The following USP6NL variants were observed in gnomAD, a reference collection of about 807,000 sequenced individuals.
The protein encoded by USP6NL is USP6 N-terminal-like protein.
In USP6NL, 26 loss-of-function variants were observed where a neutral mutation model predicts 61.9. That is an observed-to-expected ratio of 0.42 (90% CI 0.31 to 0.58). The LOEUF is 0.58. Among genes scored for constraint, USP6NL ranks in the 20% least tolerant of loss-of-function variants. The probability of loss-of-function intolerance (pLI) is 0.16; values close to 1 mark genes in which losing one functional copy is unlikely to be tolerated. For synonymous variants in USP6NL, 432 were observed against 390.1 expected (o/e 1.11, Z -1.27); for missense variants, 1,114 against 1,034.3 (o/e 1.08, Z -1.06).
chr10:11,499,962 T>C lies in USP6NL; in HGVS notation c.384+1139A>G, dbSNP rs1834107207. Among the ~76,000 whole-genome samples, 1 of 152,224 alleles carries C rather than the reference T, an allele frequency of 6.6e-6. No homozygotes were observed. Among genetic ancestry groups the C allele is most frequent in the Non-Finnish European group, 1.5e-5 (1 of 68,038 alleles). Reference sequence around the variant, plus strand: ...CTACCATATGCTAGGCACACTGTACTAGGTGCTGGGGTTATATTTCATATT... The same window carrying C: ...CTACCATATGCTAGGCACACTGTACCAGGTGCTGGGGTTATATTTCATATT... On this transcript the variant is annotated intron_variant, in intron 7 of 14. Transcript: ENST00000609104. This position sits in a 1 kb window ranked among gnomAD's most constrained non-coding sequence, Gnocchi z 4.5.
intron 7 of USP6NL, among the ~76,000 whole-genome samples, chr10:11,497,112 T>TTTTG (rs1325634631): frequency 7.7e-6 from 1 of 129,956 alleles, no homozygotes; most frequent in African/African-American, 2.8e-5. Flanking sequence ...TTTTTTTTTT[T>TTTTG]TAAGATAATG....
intron 14 of USP6NL, among the ~76,000 whole-genome samples, chr10:11,475,392 A>C (rs1373031806): frequency 6.6e-6 from 1 of 151,866 alleles, no homozygotes; most frequent in Admixed American, 6.6e-5. Context: ...CAGGAGTTCG[A>C]GACCAGTCTG....
intron 2 of USP6NL, among the ~76,000 whole-genome samples, chr10:11,566,574 G>C (rs897781648): frequency 2.0e-5 from 3 of 152,214 alleles, no homozygotes; most frequent in Non-Finnish European, 2.9e-5. Flanking sequence ...CTAGTAAGTA[G>C]TGGATTCGAG....
intron 2 of USP6NL, among the ~76,000 whole-genome samples, chr10:11,552,584 A>G (rs886364961): frequency 4.6e-5 from 7 of 152,330 alleles, no homozygotes; most frequent in African/African-American, 1.4e-4. Context: ...GTGAAGTTCT[A>G]TAACATCCTT....
chr10:11,530,570 C>A (rs1174843053), intron 2 of USP6NL, among the ~76,000 whole-genome samples: 1 of 152,184 alleles, frequency 6.6e-6, no homozygotes, highest in Non-Finnish European at 1.5e-5. Context: ...AATAAATTCT[C>A]AATCTTTAAA....
At chr10:11,501,834 G>T (rs1834209452) in intron 6 of USP6NL, among the ~76,000 whole-genome samples, 1 of 151,908 alleles carries the variant, frequency 6.6e-6, no homozygotes, top group South Asian at 2.1e-4. Context: ...CCTCTTTTCA[G>T]TTCTTGCTAT....
intron 2 of USP6NL, among the ~76,000 whole-genome samples, chr10:11,593,841 A>ACCC (rs1405726017): frequency 1.9e-4 from 29 of 152,222 alleles, no homozygotes; most frequent in Admixed American, 1.9e-3. Context: ...TCTAAGCTCT[A>ACCC]AACAGCTTCT....
rs1835684678 is a variant in USP6NL at position 11,532,110 on chromosome 10, T to C, written c.5-4543A>G. Reference sequence around the variant, plus strand: ...AAATAAAATTTACAGCAGACCATTTTTCCTAGAGTACATTTTGACAGATGA... The same window carrying C: ...AAATAAAATTTACAGCAGACCATTTCTCCTAGAGTACATTTTGACAGATGA... On this transcript the variant is annotated intron_variant, in intron 2 of 14. Coordinates refer to ENST00000609104, the MANE Select transcript of USP6NL (RefSeq NM_014688.5). This position sits in a 1 kb window ranked among gnomAD's most constrained non-coding sequence, Gnocchi z 4.1. The C allele has an allele frequency of 6.8e-6, 8 of 1,171,650 alleles. No homozygotes were observed. Among genetic ancestry groups the C allele is most frequent in the South Asian group, 1.5e-5 (1 of 67,668 alleles). The allele number at this position is 1,171,650 out of a possible 1,614,324, so 72.6% of individuals were successfully genotyped here. A position where few individuals can be genotyped will look rare whatever the true frequency, so the allele number is the denominator to read the frequency against.
In USP6NL at chr10:11,600,163, A is replaced by G. The variant is rs1410245101; in HGVS notation, c.-83-2446T>C. On this transcript the variant is annotated intron_variant, in intron 1 of 14. Transcript: ENST00000609104. The surrounding 1 kb of genome is among the most constrained non-coding windows in gnomAD (Gnocchi z 4.1). ...AGGGAAAAAGTAATGTCTTAAACCCATAATTTCACATCAAATTATATTGGG... is the reference window on the plus strand; with the variant it reads ...AGGGAAAAAGTAATGTCTTAAACCCGTAATTTCACATCAAATTATATTGGG... Among the ~76,000 whole-genome samples the G allele has an allele frequency of 2.0e-5, 3 of 152,190 alleles. No homozygotes were observed. The highest frequency in any genetic ancestry group is 7.2e-5 in the African/African-American group (3 of 41,446).
rs1838368796 is a variant in USP6NL at position 11,597,528 on chromosome 10, G to A, written c.4+103C>T. On this transcript the variant is annotated intron_variant, in intron 2 of 14. Coordinates refer to ENST00000609104, the MANE Select transcript of USP6NL (RefSeq NM_014688.5). The surrounding 1 kb of genome is among the most constrained non-coding windows in gnomAD (Gnocchi z 4.6). The stretch of plus-strand genomic sequence containing the variant: ...GGAACCACATTCAAACTCTGAATAA[G>A]TGACATAATTCCAATTTATTCAGTA... 1 of 1,217,042 alleles carries A rather than the reference G, an allele frequency of 8.2e-7. No individual in the cohort carries two copies. Among genetic ancestry groups the A allele is most frequent in the African/African-American group, 1.5e-5 (1 of 66,296 alleles). The allele number at this position is 1,217,042 out of a possible 1,614,324, so 75.4% of individuals were successfully genotyped here. A position where few individuals can be genotyped will look rare whatever the true frequency, so the allele number is the denominator to read the frequency against.
At chr10:11,477,914 G>T (rs532556213) in intron 14 of USP6NL, among the ~76,000 whole-genome samples, 1 of 152,172 alleles carries the variant, frequency 6.6e-6, no homozygotes, top group Non-Finnish European at 1.5e-5. Flanking sequence ...CTTAAAAACA[G>T]TAATAGATGA....
At chr10:11,560,137 ATT>A (rs1836869524) in intron 2 of USP6NL, among the ~76,000 whole-genome samples, 1 of 152,220 alleles carries the variant, frequency 6.6e-6, no homozygotes, top group Non-Finnish European at 1.5e-5. Context: ...AGCACGATAC[ATT>A]GCAAATTCCT....
rs1417520128 is a variant in USP6NL, at chr10:11,461,335, C to T, written c.*1106G>A. 6.6e-6 allele frequency: 1 copy of T among 152,070 alleles called. No individual in the cohort carries two copies. The highest frequency in any genetic ancestry group is 2.4e-5 in the African/African-American group (1 of 41,394). The allele number at this position is 152,070 out of a possible 1,614,324, so 9.4% of individuals were successfully genotyped here. A position where few individuals can be genotyped will look rare whatever the true frequency, so the allele number is the denominator to read the frequency against. The stretch of plus-strand genomic sequence containing the variant: ...TTTTAAAAGATCAAAATCCTAGACT[C>T]CTATGAAAAACTAGGATCATTTTTA... On this transcript the variant is annotated 3_prime_UTR_variant, in exon 15 of 15. Coordinates refer to ENST00000609104, the MANE Select transcript of USP6NL (RefSeq NM_014688.5).
intron 2 of USP6NL, among the ~76,000 whole-genome samples, chr10:11,567,477 C>A (rs989815476): frequency 3.9e-5 from 6 of 152,140 alleles, no homozygotes; most frequent in Admixed American, 1.3e-4. Flanking sequence ...CTAACTCTAC[C>A]CACAACATAC....
rs147586743 is a variant in USP6NL at position 11,582,398 on chromosome 10, G to A, written c.4+15233C>T. ...TTACAGGCGTGAGCCACGGTGCCCAGCCTCTACTTAAGTTTTAAAGGAGGA... is the reference window on the plus strand; with the variant it reads ...TTACAGGCGTGAGCCACGGTGCCCAACCTCTACTTAAGTTTTAAAGGAGGA... On this transcript the variant is annotated intron_variant, in intron 2 of 14. Coordinates refer to ENST00000609104, the MANE Select transcript of USP6NL (RefSeq NM_014688.5). 1.2e-3 allele frequency among the ~76,000 whole-genome samples: 176 copies of A among 152,330 alleles called. 1 individual carries two copies. The highest frequency in any genetic ancestry group is 4.1e-3 in the African/African-American group (171 of 41,582).
At chr10:11,609,384 A>G (rs1344240034) in intron 1 of USP6NL, among the ~76,000 whole-genome samples, 1 of 152,194 alleles carries the variant, frequency 6.6e-6, no homozygotes, top group Non-Finnish European at 1.5e-5. Context: ...GCTTTTCAAA[A>G]ATCACATTGA....
intron 2 of USP6NL, among the ~76,000 whole-genome samples, chr10:11,530,300 A>C (rs537510945): frequency 6.5e-4 from 99 of 152,294 alleles, no homozygotes; most frequent in African/African-American, 2.3e-3. Flanking sequence ...CATCACAAGT[A>C]TACTTCCAAC....
chr10:11,463,952 A>T lies in USP6NL; in HGVS notation c.1079-103T>A. The T allele has an allele frequency of 9.2e-7, 1 of 1,081,352 alleles. No homozygotes were observed. The highest frequency in any genetic ancestry group is 2.1e-4 in the Middle Eastern group (1 of 4,672). 67.0% of individuals were successfully genotyped at this position (1,081,352 alleles called of 1,614,324 possible). A position where few individuals can be genotyped will look rare whatever the true frequency, so the allele number is the denominator to read the frequency against. ...TGGCATGCTTTTCATCTGTGCACAG[A>T]TACACGCTGACATACAACACACTGT... On this transcript the variant is annotated intron_variant, in intron 14 of 14. Transcript: ENST00000609104. This position sits in a 1 kb window ranked among gnomAD's most constrained non-coding sequence, Gnocchi z 6.3.
At chr10:11,533,261 G>A (rs924023410) in intron 2 of USP6NL, among the ~76,000 whole-genome samples, 2 of 152,098 alleles carry the variant, frequency 1.3e-5, no homozygotes, top group African/African-American at 2.4e-5. Context: ...CCAAAGTTAA[G>A]AGCAAAAAAT....
Sources: allele counts gnomAD v4.1 joint callset (sites outside exome capture counted in the v4.1 genomes callset), GRCh38; gene constraint gnomAD v4.1.1; non-coding constraint Gnocchi (gnomAD v3.1); transcripts MANE v1.5; gene names NCBI Gene and HGNC (gene_info 2026-07-23, HGNC 2026-07-21).